The following ST7L variants were observed in gnomAD, a reference collection of about 807,000 sequenced individuals.
ST7L encodes the protein suppressor of tumorigenicity 7 protein-like.
Under a neutral mutation model 72.5 loss-of-function variants are expected in ST7L, and 57 were observed. That is an observed-to-expected ratio of 0.79 (90% CI 0.64 to 0.98). ST7L has a LOEUF of 0.98. Ranked by LOEUF, ST7L falls within the 50% of genes least tolerant of loss-of-function variation. The probability of loss-of-function intolerance (pLI) is 0.00; values close to 1 mark genes in which losing one functional copy is unlikely to be tolerated. For synonymous variants in ST7L, 221 were observed against 240.9 expected (o/e 0.92, Z 0.77); for missense variants, 576 against 672.2 (o/e 0.86, Z 1.58).
intron 9 of ST7L, among the ~76,000 whole-genome samples, chr1:112,579,331 C>A (rs1440898701): frequency 6.8e-6 from 1 of 146,182 alleles, no homozygotes; most frequent in African/African-American, 2.5e-5. Flanking sequence ...TTGCAGTGAG[C>A]CGAGATTGTG....
chr1:112,610,423 T>A (rs1281835061), intron 3 of ST7L: 1 of 156,628 alleles, frequency 6.4e-6, no homozygotes, highest in African/African-American at 2.4e-5. Flanking sequence ...TTGGTCCATT[T>A]GGACTGCTAT....
intron 14 of ST7L, chr1:112,528,575 G>A (rs2101158322): frequency 6.6e-6 from 1 of 152,288 alleles, no homozygotes; most frequent in Non-Finnish European, 1.5e-5. Flanking sequence ...GAGATTCTGG[G>A]CTAAGTAAGA....
chr1:112,556,966 C>CAAAAAAAAAAAAAAA lies in ST7L; in HGVS notation c.1246-963_1246-949dup, dbSNP rs60106072. On this transcript the variant is annotated intron_variant, in intron 11 of 14. Coordinates refer to ENST00000358039, the MANE Select transcript of ST7L (RefSeq NM_017744.5). ...CTGGCGACAGAGCGAGACTCTGTCT[C>CAAAAAAAAAAAAAAA]AAAAAAAAAAAAAAAAAACAAAAAA... Among the ~76,000 whole-genome samples the CAAAAAAAAAAAAAAA allele has an allele frequency of 4.0e-3, 200 of 49,482 alleles. 6 individuals carry two copies. Among genetic ancestry groups the CAAAAAAAAAAAAAAA allele is most frequent in the Non-Finnish European group, 5.8e-3 (140 of 24,204 alleles). The allele number at this position is 49,482 out of a possible 152,430, so 32.5% of individuals were successfully genotyped here.
chr1:112,595,852 ATTAT>A (rs1235055350), intron 5 of ST7L, among the ~76,000 whole-genome samples: 1 of 152,218 alleles, frequency 6.6e-6, no homozygotes, highest in African/African-American at 2.4e-5. Flanking sequence ...ATTCTCTATG[ATTAT>A]TTAACCTTAT....
chr1:112,569,729 C>T (rs900441007), intron 11 of ST7L, among the ~76,000 whole-genome samples: 14 of 152,112 alleles, frequency 9.2e-5, no homozygotes, highest in Admixed American at 7.9e-4. Context: ...GAGGCCGAGG[C>T]GGGTGGATCA....
intron 5 of ST7L, among the ~76,000 whole-genome samples, chr1:112,593,366 T>TA (rs1439903157): frequency 1.3e-5 from 2 of 152,218 alleles, no homozygotes; most frequent in African/African-American, 4.8e-5. Context: ...TTAAGGGCTC[T>TA]TAATATGCTG....
At chr1:112,600,566 A>T (rs189586114) in intron 4 of ST7L, among the ~76,000 whole-genome samples, 59 of 152,238 alleles carry the variant, frequency 3.9e-4, no homozygotes, top group Admixed American at 3.1e-3. Context: ...ACTGCACTCC[A>T]GCCTGAGTGA....
At chr1:112,586,333 T>C (rs1179798851) in intron 6 of ST7L, among the ~76,000 whole-genome samples, 1 of 151,958 alleles carries the variant, frequency 6.6e-6, no homozygotes. Flanking sequence ...CCTAGTTACT[T>C]TGGAGGCTGA....
chr1:112,592,565 A>G (rs1665867858), intron 5 of ST7L, among the ~76,000 whole-genome samples: 1 of 152,364 alleles, frequency 6.6e-6, no homozygotes, highest in South Asian at 2.1e-4. Flanking sequence ...TGGCCAGGTA[A>G]AGAACATCAT....
intron 3 of ST7L, among the ~76,000 whole-genome samples, chr1:112,609,178 T>C (rs1668693031): frequency 6.6e-6 from 1 of 152,052 alleles, no homozygotes; most frequent in Non-Finnish European, 1.5e-5. Context: ...ATAATAATAA[T>C]AATAATTGTA....
intron 3 of ST7L, among the ~76,000 whole-genome samples, chr1:112,601,816 C>T (rs1207387442): frequency 1.3e-5 from 2 of 151,948 alleles, no homozygotes; most frequent in Non-Finnish European, 2.9e-5. Context: ...TGGTAGCTCA[C>T]GTCTGTAATC....
chr1:112,591,565 G>A lies in ST7L; in HGVS notation c.661C>T (p.Arg221Ter), dbSNP rs115163996. Residue 221 changes from arginine to a stop codon, truncating the protein, a stop_gained, in exon 6 of 15, where the codon CGA (arginine) becomes TGA (stop). Transcript: ENST00000358039. LOFTEE classifies it high-confidence loss of function. ...KAWRERNPPA[R>*]IKAAYQALEL... is the part of the protein sequence containing the mutation. Reference sequence around the variant, plus strand: ...AAAGCTTGATAGGCTGCTTTGATTCGAGCTGGAGGATTTCTTTCCCTCCAA... The same window carrying A: ...AAAGCTTGATAGGCTGCTTTGATTCAAGCTGGAGGATTTCTTTCCCTCCAA... 25 of 1,611,052 alleles carry A rather than the reference G, an allele frequency of 1.6e-5. No individual in the cohort carries two copies. The highest frequency in any genetic ancestry group is 4.5e-5 in the East Asian group (2 of 44,736).
chr1:112,520,271 C>G, downstream of ST7L: 1 of 1,612,510 alleles, frequency 6.2e-7, no homozygotes, highest in Middle Eastern at 1.7e-4. Flanking sequence ...CCTCTCTTCC[C>G]CAACCCAGGT....
At chr1:112,585,446 T>C (rs1010470815) in intron 6 of ST7L, among the ~76,000 whole-genome samples, 1 of 152,220 alleles carries the variant, frequency 6.6e-6, no homozygotes, top group African/African-American at 2.4e-5. Flanking sequence ...TATGTTAAAA[T>C]AGTTTAATAT....
At chr1:112,540,976 A>C (rs2101375570) in intron 14 of ST7L, 1 of 661,730 alleles carries the variant, frequency 1.5e-6, no homozygotes, top group South Asian at 1.6e-5. Context: ...AGTGACATTA[A>C]TAAGTTCATA....
chr1:112,520,709 A>G (rs1191853986), downstream of ST7L: 7 of 608,554 alleles, frequency 1.2e-5, no homozygotes, highest in Non-Finnish European at 2.0e-5. Flanking sequence ...GATATAAGAA[A>G]CTGAGCAAGC....
downstream of ST7L, chr1:112,522,636 A>ATGAT (rs1652943392): frequency 1.3e-5 from 2 of 152,204 alleles, no homozygotes; most frequent in African/African-American, 4.8e-5. Flanking sequence ...ATTTATTTGG[A>ATGAT]TGATAGGACT....
In ST7L at chr1:112,525,482, A is replaced by G. The variant is rs1247974367; in HGVS notation, c.*531T>C. 1 of 151,920 alleles carries G rather than the reference A, an allele frequency of 6.6e-6. No individual in the cohort carries two copies. The highest frequency in any genetic ancestry group is 1.5e-5 in the Non-Finnish European group (1 of 68,354). The allele number at this position is 151,920 out of a possible 1,614,324, so 9.4% of individuals were successfully genotyped here. On this transcript the variant is annotated 3_prime_UTR_variant, in exon 15 of 15. Coordinates refer to ENST00000358039, the MANE Select transcript of ST7L (RefSeq NM_017744.5). The stretch of plus-strand genomic sequence containing the variant: ...AGGGCGTTGACAAACTCATTTTCCC[A>G]CTTCCCACTCATGGCTTATATTATC...
At chr1:112,568,268 T>C (rs1661360942) in intron 11 of ST7L, among the ~76,000 whole-genome samples, 1 of 152,070 alleles carries the variant, frequency 6.6e-6, no homozygotes, top group Non-Finnish European at 1.5e-5. Flanking sequence ...TTTTCAAATG[T>C]GGATATTCAC....
Sources: gnomAD v4.1 joint callset for allele counts (sites outside exome capture counted in the v4.1 genomes callset) on GRCh38, gnomAD v4.1.1 for gene constraint, MANE v1.5 for transcripts, NCBI Gene and HGNC (gene_info 2026-07-23, HGNC 2026-07-21) for gene names.